The following SSRP1 variants were observed in gnomAD, a reference collection of about 807,000 sequenced individuals.
SSRP1 encodes the protein structure specific recognition protein 1.
In SSRP1, 21 loss-of-function variants were observed where a neutral mutation model predicts 84.4. The ratio of observed to expected loss-of-function variants is 0.25; its 90% CI spans 0.18 to 0.36. The LOEUF is 0.36. SSRP1 is among the 10% of genes least tolerant of loss of function. The pLI is 1.00. For missense variants in SSRP1, 519 were observed against 900.8 expected (o/e 0.58, Z 5.43); for synonymous variants, 319 against 318.3 (o/e 1.00, Z -0.02).
chr11:57,326,912 G>C, intron 15 of SSRP1, 23 bp from the exon 16 acceptor site: 1 of 1,558,932 alleles, frequency 6.4e-7, no homozygotes, highest in Non-Finnish European at 8.7e-7. Flanking sequence ...GAGGGAAGAG[G>C]AGCTGGGCCT....
At position 57,332,847 on chromosome 11, in the gene SSRP1, G is replaced by A. The variant is rs763591344; in HGVS notation, c.546C>T (p.Ala182=). ...EDGVDPVEAF[A]QNVLSKADVI... ...CATCCGCCTTTGACAACACATTCTG[G>A]GCAAAGGCCTGCAAAAGCACATATT... Residue 182 remains alanine, a synonymous_variant, in exon 6 of 17, where the codon GCC becomes GCT. Transcript: ENST00000278412. The surrounding 1 kb of genome is among the most constrained non-coding windows in gnomAD (Gnocchi z 5.5). 1.2e-6 allele frequency: 2 copies of A among 1,610,410 alleles called. No homozygotes were observed. Among genetic ancestry groups the A allele is most frequent in the South Asian group, 1.1e-5 (1 of 90,936 alleles).
rs376693956 is a variant in SSRP1, at chr11:57,335,025, C to G, written c.54+43G>C. 1.9e-5 allele frequency: 30 copies of G among 1,609,130 alleles called. No individual in the cohort carries two copies. Among genetic ancestry groups the G allele is most frequent in the Non-Finnish European group, 2.5e-5 (29 of 1,175,848 alleles). ...ATTAATGGACAAAAACTCTACCCTC[C>G]TTCCTTCTCTCTACTTGTATCACCT... On this transcript the variant is annotated intron_variant, in intron 2 of 16. Coordinates refer to ENST00000278412, the MANE Select transcript of SSRP1 (RefSeq NM_003146.3). The surrounding 1 kb of genome is among the most constrained non-coding windows in gnomAD (Gnocchi z 4.6).
chr11:57,332,107 T>C lies in SSRP1; in HGVS notation c.1001+45A>G. ...AAGGGTTTACCAAGGAGACACGGCA[T>C]TTCCCATACCCAGGCAGGGCAGGAT... On this transcript the variant is annotated intron_variant, in intron 8 of 16. Coordinates refer to ENST00000278412, the MANE Select transcript of SSRP1 (RefSeq NM_003146.3). This position sits in a 1 kb window ranked among gnomAD's most constrained non-coding sequence, Gnocchi z 5.5. The C allele has an allele frequency of 2.5e-6, 4 of 1,611,654 alleles. No individual in the cohort carries two copies. Among genetic ancestry groups the C allele is most frequent in the Non-Finnish European group, 3.4e-6 (4 of 1,179,632 alleles).
intron 12 of SSRP1, chr11:57,329,768 C>T (rs573476053): frequency 2.3e-6 from 1 of 436,850 alleles, no homozygotes; most frequent in South Asian, 3.1e-5. Context: ...GATTCAATGA[C>T]TTACTCGACA....
chr11:57,329,710 AC>A, intron 12 of SSRP1: 1 of 281,768 alleles, frequency 3.5e-6, no homozygotes, highest in Non-Finnish European at 6.7e-6. Flanking sequence ...AAAAGTCTTA[AC>A]CAATTTAGCA....
At position 57,330,017 on chromosome 11, in the gene SSRP1, A is replaced by G; in HGVS notation, c.1481+76T>C. The G allele has an allele frequency of 6.4e-7, 1 of 1,570,546 alleles. No individual in the cohort carries two copies. The highest frequency in any genetic ancestry group is 8.8e-7 in the Non-Finnish European group (1 of 1,140,546). On this transcript the variant is annotated intron_variant, in intron 12 of 16. Transcript: ENST00000278412. The surrounding 1 kb of genome is among the most constrained non-coding windows in gnomAD (Gnocchi z 4.0). Reference sequence around the variant, plus strand: ...TCAGTAGCTAATGCTGGGACCTGAGAAATGTCCAGAAATCTTCTGGTCCCT... The same window carrying G: ...TCAGTAGCTAATGCTGGGACCTGAGGAATGTCCAGAAATCTTCTGGTCCCT...
In SSRP1 at chr11:57,327,073, C is replaced by G. The variant is rs892284475; in HGVS notation, c.1872-184G>C. The G allele has an allele frequency of 4.3e-6, 5 of 1,160,764 alleles. No individual in the cohort carries two copies. In the African/African-American group the frequency reaches 7.8e-5, roughly 18 times the overall value. 71.9% of individuals were successfully genotyped at this position (1,160,764 alleles called of 1,614,324 possible). Reference sequence around the variant, plus strand: ...AGTATCATGAGTACACCAGAAGAATCAGAGGGCACAGCCTAAAGCAGCCCA... The same window carrying G: ...AGTATCATGAGTACACCAGAAGAATGAGAGGGCACAGCCTAAAGCAGCCCA... On this transcript the variant is annotated intron_variant, in intron 15 of 16. Transcript: ENST00000278412.
Position 57,330,022 on chromosome 11 carries a change from T to C in SSRP1, c.1481+71A>G. 6.3e-7 allele frequency: 1 copy of C among 1,577,710 alleles called. No homozygotes were observed. Among genetic ancestry groups the C allele is most frequent in the Non-Finnish European group, 8.7e-7 (1 of 1,146,940 alleles). Reference sequence around the variant, plus strand: ...AGCTAATGCTGGGACCTGAGAAATGTCCAGAAATCTTCTGGTCCCTTAAGC... The same window carrying C: ...AGCTAATGCTGGGACCTGAGAAATGCCCAGAAATCTTCTGGTCCCTTAAGC... On this transcript the variant is annotated intron_variant, in intron 12 of 16. Coordinates refer to ENST00000278412, the MANE Select transcript of SSRP1 (RefSeq NM_003146.3). This position sits in a 1 kb window ranked among gnomAD's most constrained non-coding sequence, Gnocchi z 4.0.
In SSRP1 at chr11:57,335,580, C is replaced by G; in HGVS notation, c.-120+150G>C. 1 of 193,258 alleles carries G rather than the reference C, an allele frequency of 5.2e-6. No homozygotes were observed. The highest frequency in any genetic ancestry group is 9.8e-5 in the South Asian group (1 of 10,254). The allele number at this position is 193,258 out of a possible 1,614,324, so 12.0% of individuals were successfully genotyped here. ...GGTTTCCCTCGCACCGCTCCCACCA[C>G]CCCGCGGCCCCAGACCCACGGTTCA... On this transcript the variant is annotated intron_variant, in intron 1 of 16. Coordinates refer to ENST00000278412, the MANE Select transcript of SSRP1 (RefSeq NM_003146.3). This position sits in a 1 kb window ranked among gnomAD's most constrained non-coding sequence, Gnocchi z 4.6.
intron 2 of SSRP1, 49 bp from the exon 3 acceptor site, chr11:57,334,697 C>T (rs773648973): frequency 9.4e-6 from 15 of 1,596,540 alleles, no homozygotes; most frequent in African/African-American, 2.7e-5. Flanking sequence ...ACAGCATGTC[C>T]TGGGTTCTAC....
intron 16 of SSRP1, 42 bp from the exon 17 acceptor site, chr11:57,326,520 G>C: frequency 6.2e-7 from 1 of 1,612,760 alleles, no homozygotes; most frequent in Non-Finnish European, 8.5e-7. Context: ...TGGAGTCCTG[G>C]GTGCCCCACC....
Position 57,328,215 on chromosome 11 carries a change from G to A in SSRP1, c.1611+82C>T. 2.6e-6 allele frequency: 4 copies of A among 1,557,252 alleles called. No individual in the cohort carries two copies. The East Asian group carries it at 6.8e-5, about 26-fold the overall frequency. On this transcript the variant is annotated intron_variant, in intron 13 of 16. Transcript: ENST00000278412. The stretch of plus-strand genomic sequence containing the variant: ...AGGAAGAACAGGTCCTACTGGTGGT[G>A]GACAGGAGAAGGTAAAGAGAATGCC...
Position 57,332,178 on chromosome 11 carries a change from C to T in SSRP1, c.975G>A (p.Lys325=), listed in dbSNP as rs1470360677. ...SRVMKALVNR[K]ITVPGNFQGH... ...CTTGGAAGTTGCCTGGCACTGTGATCTTGCGGTTTACCAGTGCTTTCATGA... is the reference window on the plus strand; with the variant it reads ...CTTGGAAGTTGCCTGGCACTGTGATTTTGCGGTTTACCAGTGCTTTCATGA... Residue 325 remains lysine (K), a synonymous_variant, in exon 8 of 17, where the codon AAG becomes AAA. Coordinates refer to ENST00000278412, the MANE Select transcript of SSRP1 (RefSeq NM_003146.3). This position sits in a 1 kb window ranked among gnomAD's most constrained non-coding sequence, Gnocchi z 5.5. 1.2e-6 allele frequency: 2 copies of T among 1,613,922 alleles called. No homozygotes were observed. Among genetic ancestry groups the T allele is most frequent in the Admixed American group, 3.3e-5 (2 of 60,016 alleles).
chr11:57,334,893 A>G (rs1429776402), intron 2 of SSRP1, among the ~76,000 whole-genome samples, 175 bp downstream of exon 2: 3 of 152,256 alleles, frequency 2.0e-5, no homozygotes, highest in Non-Finnish European at 2.9e-5. Flanking sequence ...TACGGTCCCT[A>G]TAACTCTGAG....
Position 57,334,410 on chromosome 11 carries a change from T to C in SSRP1, c.240+53A>G. Reference sequence around the variant, plus strand: ...GAAGGAACCTCGAGTCTCTAGAAGATTAAAATAAGAAGATGCAGTAAAAAG... The same window carrying C: ...GAAGGAACCTCGAGTCTCTAGAAGACTAAAATAAGAAGATGCAGTAAAAAG... On this transcript the variant is annotated intron_variant, in intron 3 of 16. Transcript: ENST00000278412. 5 of 1,591,034 alleles carry C rather than the reference T, an allele frequency of 3.1e-6. No individual in the cohort carries two copies. The South Asian group carries it at 4.5e-5, about 14-fold the overall frequency.
Position 57,333,097 on chromosome 11 carries a change from G to A in SSRP1, c.399C>T (p.Leu133=), listed in dbSNP as rs756977088. ...CTGTGGTGCACTGGGACACATTGCT[G>A]AGGGGTATCTCAAAGACTGGCTGGT... The part of the protein sequence containing the change: ...IGDQPVFEIP[L]SNVSQCTTGK... Residue 133 remains leucine, a synonymous_variant, in exon 5 of 17, where the codon CTC becomes CTT. Coordinates refer to ENST00000278412, the MANE Select transcript of SSRP1 (RefSeq NM_003146.3). 1.2e-6 allele frequency: 2 copies of A among 1,614,096 alleles called. No homozygotes were observed. The highest frequency in any genetic ancestry group is 1.7e-6 in the Non-Finnish European group (2 of 1,179,986).
In SSRP1 at chr11:57,334,574, G is replaced by C; in HGVS notation, c.129C>G (p.Ile43Met). 6.2e-7 allele frequency: 1 copy of C among 1,614,222 alleles called. No individual in the cohort carries two copies. The highest frequency in any genetic ancestry group is 8.5e-7 in the Non-Finnish European group (1 of 1,180,042). Residue 43 changes from isoleucine to methionine, a missense_variant, in exon 3 of 17, where the codon ATC becomes ATG. By Grantham distance (10) the Ile-to-Met change is conservative (BLOSUM62 1). Coordinates refer to ENST00000278412, the MANE Select transcript of SSRP1 (RefSeq NM_003146.3). Reference protein sequence around the residue: ...KNSKTGKVDNIQAGELTEGIW... With the variant: ...KNSKTGKVDNMQAGELTEGIW... The stretch of plus-strand genomic sequence containing the variant: ...TACCTTCTGTTAACTCCCCAGCCTG[G>C]ATGTTGTCCACTTTGCCTGTCTTGC...
Position 57,335,478 on chromosome 11 carries a change from T to A in SSRP1, c.-119-238A>T, listed in dbSNP as rs1009018747. On this transcript the variant is annotated intron_variant, in intron 1 of 16. Transcript: ENST00000278412. The surrounding 1 kb of genome is among the most constrained non-coding windows in gnomAD (Gnocchi z 4.6). ...GCTCTGGCCGCTCCGGCGGGAGCCA[T>A]GGCAACGAGCAGCGGAACCCCAGGG... 2 of 322,510 alleles carry A rather than the reference T, an allele frequency of 6.2e-6. No individual in the cohort carries two copies. Among genetic ancestry groups the A allele is most frequent in the Admixed American group, 8.2e-5 (2 of 24,430 alleles). 20.0% of individuals were successfully genotyped at this position (322,510 alleles called of 1,614,324 possible).
chr11:57,327,540 TTAAGAA>T, intron 14 of SSRP1, 26 bp from the exon 15 acceptor site: 2 of 1,613,500 alleles, frequency 1.2e-6, no homozygotes, highest in Non-Finnish European at 1.7e-6. Context: ...AAAAAAACAG[TTAAGAA>T]TAAGACCTCT....
Sources: allele counts gnomAD v4.1 joint callset (sites outside exome capture counted in the v4.1 genomes callset), GRCh38; gene constraint gnomAD v4.1.1; non-coding constraint Gnocchi (gnomAD v3.1); transcripts MANE v1.5; gene names NCBI Gene and HGNC (gene_info 2026-07-23, HGNC 2026-07-21).